MAD1L1: variants seen among roughly 807,000 people sequenced by gnomAD.
The protein encoded by MAD1L1 is mitotic spindle assembly checkpoint protein MAD1.
MAD1L1 carries 95 observed loss-of-function variants against 96.9 expected under a neutral mutation model. The observed-to-expected ratio is 0.98, with a 90% CI of 0.83 to 1.16. The LOEUF is 1.16. MAD1L1 is among the 50% of genes most tolerant of loss of function. The pLI is 0.00. For missense variants in MAD1L1, 1,007 were observed against 954.4 expected (o/e 1.06, Z -0.73); for synonymous variants, 473 against 396.6 (o/e 1.19, Z -2.29).
At chr7:2,065,792 C>G (rs1344313310) in intron 12 of MAD1L1, among the ~76,000 whole-genome samples, 1 of 152,172 alleles carries the variant, frequency 6.6e-6, no homozygotes, top group Non-Finnish European at 1.5e-5. Flanking sequence ...AGTAACTGAT[C>G]TGCTGTGAGA....
rs1475670911 is a variant in MAD1L1, at chr7:1,947,155, C to T, written c.1597-10258G>A. On this transcript the variant is annotated intron_variant, in intron 16 of 18. Coordinates refer to ENST00000265854, the MANE Select transcript of MAD1L1 (RefSeq NM_001013836.2). ...AGAGGACAGGAAAGCCCTGAGCCCA[C>T]GCCCTGGTGCGTGCAGGAGCTGGGT... Among the ~76,000 whole-genome samples the T allele has an allele frequency of 6.6e-5, 10 of 152,252 alleles. No homozygotes were observed. In the East Asian group the frequency reaches 1.3e-3, roughly 21 times the overall value.
intron 16 of MAD1L1, among the ~76,000 whole-genome samples, chr7:1,950,466 G>A (rs528525064): frequency 3.3e-5 from 5 of 152,328 alleles, no homozygotes; most frequent in East Asian, 3.9e-4. Flanking sequence ...GTAATCACCC[G>A]CTGACTTCCA....
At chr7:1,910,040 A>G (rs768693136) in intron 17 of MAD1L1, among the ~76,000 whole-genome samples, 31 of 152,272 alleles carry the variant, frequency 2.0e-4, no homozygotes, top group Middle Eastern at 6.8e-3. Context: ...CAAAACTGAT[A>G]TGAAAAGACA....
chr7:1,919,735 G>A (rs1788657201), intron 17 of MAD1L1, among the ~76,000 whole-genome samples: 1 of 152,250 alleles, frequency 6.6e-6, no homozygotes, highest in Admixed American at 6.5e-5. Context: ...CTGAACCCAA[G>A]GTCACATGGC....
chr7:2,175,626 G>T (rs980560050), intron 10 of MAD1L1, among the ~76,000 whole-genome samples: 1 of 151,882 alleles, frequency 6.6e-6, no homozygotes, highest in Non-Finnish European at 1.5e-5. Context: ...AAAAACTCTG[G>T]CAACATACTT....
At chr7:1,934,899 G>C (rs1778496134) in intron 17 of MAD1L1, among the ~76,000 whole-genome samples, 1 of 151,166 alleles carries the variant, frequency 6.6e-6, no homozygotes, top group South Asian at 2.1e-4. Flanking sequence ...GACGGGCAGA[G>C]ACCCAGACAA....
rs543112878 is a variant in MAD1L1, at chr7:1,887,616, T to G, written c.1998+10584A>C. On this transcript the variant is annotated intron_variant, in intron 18 of 18. Coordinates refer to ENST00000265854, the MANE Select transcript of MAD1L1 (RefSeq NM_001013836.2). ...CCATGCATGCGTGTATGTGGCTGCC[T>G]GTGCATGGGCATGTGTGTGCATGCA... Among the ~76,000 whole-genome samples the G allele has an allele frequency of 2.1e-4, 31 of 150,878 alleles. No homozygotes were observed. The East Asian group carries it at 5.7e-3, about 28-fold the overall frequency.
chr7:2,156,991 C>A (rs1336256929), intron 10 of MAD1L1, among the ~76,000 whole-genome samples: 1 of 152,120 alleles, frequency 6.6e-6, no homozygotes, highest in Non-Finnish European at 1.5e-5. Context: ...ACACTGCCTG[C>A]GGTTCTCTGT....
At position 1,831,197 on chromosome 7, in the gene MAD1L1, G is replaced by A. The variant is rs573908039; in HGVS notation, c.1999-14969C>T. Among the ~76,000 whole-genome samples the A allele has an allele frequency of 1.1e-4, 16 of 152,306 alleles. No individual in the cohort carries two copies. The East Asian group carries it at 1.2e-3, about 11-fold the overall frequency. ...CTATTGGCACTATTTTTCCAAAAGC[G>A]TGGATTCACTTCATGTCTGTGTCGT... On this transcript the variant is annotated intron_variant, in intron 18 of 18. Coordinates refer to ENST00000265854, the MANE Select transcript of MAD1L1 (RefSeq NM_001013836.2).
chr7:1,934,130 G>A (rs1194074741), intron 17 of MAD1L1, among the ~76,000 whole-genome samples: 3 of 152,202 alleles, frequency 2.0e-5, no homozygotes, highest in South Asian at 4.2e-4. Context: ...GGGCCTGGAC[G>A]CCCGACCCAC....
chr7:1,987,941 G>T (rs1330211719), intron 14 of MAD1L1, among the ~76,000 whole-genome samples: 1 of 152,208 alleles, frequency 6.6e-6, no homozygotes, highest in Non-Finnish European at 1.5e-5. Context: ...GATCTCTGGG[G>T]CAGCCTACAG....
chr7:2,003,205 T>C (rs1055370830), intron 13 of MAD1L1, among the ~76,000 whole-genome samples: 3 of 151,934 alleles, frequency 2.0e-5, no homozygotes, highest in African/African-American at 7.3e-5. Context: ...CAGCGGCAAC[T>C]GGAAACCACC....
chr7:2,022,032 T>C (rs1782809788), intron 12 of MAD1L1, among the ~76,000 whole-genome samples: 1 of 152,146 alleles, frequency 6.6e-6, no homozygotes, highest in African/African-American at 2.4e-5. Context: ...CATAGCTCAC[T>C]GCAACCTCTA....
intron 1 of MAD1L1, among the ~76,000 whole-genome samples, chr7:2,231,611 A>C (rs111958031): frequency 0.025 from 3,758 of 152,208 alleles, 71 homozygotes; most frequent in East Asian, 0.042. Flanking sequence ...CGTTTCAAAA[A>C]ATAATAATAA....
At chr7:2,110,141 G>A (rs1584344646) in intron 11 of MAD1L1, among the ~76,000 whole-genome samples, 1 of 152,364 alleles carries the variant, frequency 6.6e-6, no homozygotes, top group East Asian at 1.9e-4. Context: ...TCTCACACAC[G>A]TTATCAAAAT....
chr7:2,058,903 G>A (rs2128521916), intron 12 of MAD1L1, among the ~76,000 whole-genome samples: 1 of 82,318 alleles, frequency 1.2e-5, no homozygotes, highest in South Asian at 6.4e-4. Context: ...TGTGGCCAGG[G>A]GAGAGGCGCA....
At chr7:2,013,681 C>A (rs771778696) in intron 13 of MAD1L1, among the ~76,000 whole-genome samples, 1 of 152,266 alleles carries the variant, frequency 6.6e-6, no homozygotes, top group South Asian at 2.1e-4. Flanking sequence ...CACGCCCAGG[C>A]GGGGCTGCAC....
At chr7:1,947,838 T>G (rs1779301665) in intron 16 of MAD1L1, among the ~76,000 whole-genome samples, 2 of 152,192 alleles carry the variant, frequency 1.3e-5, no homozygotes, top group South Asian at 4.1e-4. Flanking sequence ...AAGGGCTGGA[T>G]GCACCTATAC....
At position 1,940,737 on chromosome 7, in the gene MAD1L1, T is replaced by C. The variant is rs531462720; in HGVS notation, c.1597-3840A>G. Among the ~76,000 whole-genome samples the C allele has an allele frequency of 2.1e-4, 32 of 152,350 alleles. No homozygotes were observed. In the South Asian group the frequency reaches 6.4e-3, roughly 31 times the overall value. ...GGAGCTGCGGGCACGGAAACACGAA[T>C]CTGAATTTCAGATAACCCGCGTGTG... On this transcript the variant is annotated intron_variant, in intron 16 of 18. Transcript: ENST00000265854.
Sources: allele counts gnomAD v4.1 joint callset (sites outside exome capture counted in the v4.1 genomes callset), GRCh38; gene constraint gnomAD v4.1.1; transcripts MANE v1.5; gene names NCBI Gene and HGNC (gene_info 2026-07-23, HGNC 2026-07-21).